FGF1: variants seen among roughly 807,000 people sequenced by gnomAD.
The protein encoded by FGF1 is fibroblast growth factor 1.
A neutral mutation model predicts 13.4 loss-of-function variants in FGF1; 9 were observed. That is an observed-to-expected ratio of 0.67 (90% confidence interval 0.40 to 1.17). FGF1 has a LOEUF of 1.17. Ranked by LOEUF, FGF1 falls within the 50% of genes most tolerant of loss-of-function variation. The pLI is 0.01. For missense variants in FGF1, 156 were observed against 192.7 expected (o/e 0.81, Z 1.13); for synonymous variants, 93 against 79.0 (o/e 1.18, Z -0.94).
At chr5:142,617,413 T>G (rs1760489214) in intron 1 of FGF1, among the ~76,000 whole-genome samples, 1 of 152,042 alleles carries the variant, frequency 6.6e-6, no homozygotes, top group Admixed American at 6.6e-5. Flanking sequence ...CATGTGTGTA[T>G]GAGCCATGCA....
chr5:142,658,945 G>A (rs1420942207), intron 1 of FGF1, among the ~76,000 whole-genome samples: 1 of 152,098 alleles, frequency 6.6e-6, no homozygotes, highest in Non-Finnish European at 1.5e-5. Flanking sequence ...AGAAAACCTG[G>A]ATGGATAGGC....
intron 1 of FGF1, among the ~76,000 whole-genome samples, chr5:142,674,860 G>A (rs964425255): frequency 2.0e-5 from 3 of 152,088 alleles, no homozygotes; most frequent in Non-Finnish European, 2.9e-5. Context: ...TGCCTGCCAC[G>A]GGTCAGAATA....
upstream of FGF1, among the ~76,000 whole-genome samples, chr5:142,686,692 T>C (rs1329985029): frequency 6.6e-6 from 1 of 152,154 alleles, no homozygotes; most frequent in African/African-American, 2.4e-5. Context: ...TGTGTGTGTC[T>C]GTCTGTGCCA....
chr5:142,616,087 C>T lies in FGF1; in HGVS notation c.-34-1926G>A, dbSNP rs10051658. 3.0e-3 allele frequency among the ~76,000 whole-genome samples: 458 copies of T among 152,344 alleles called. 2 individuals carry two copies. The highest frequency in any genetic ancestry group is 0.01 in the African/African-American group (436 of 41,580). The stretch of plus-strand genomic sequence containing the variant: ...GAAGACCAGCAGCTACCCTGCCTTC[C>T]CTGCACTAACCATCCATCAGTGCCT... On this transcript the variant is annotated intron_variant, in intron 1 of 3. Coordinates refer to ENST00000337706, the MANE Select transcript of FGF1 (RefSeq NM_000800.5).
At chr5:142,667,132 T>A (rs1450295439) in intron 1 of FGF1, among the ~76,000 whole-genome samples, 1 of 151,442 alleles carries the variant, frequency 6.6e-6, no homozygotes, top group South Asian at 2.1e-4. Flanking sequence ...ATACAAAAAT[T>A]AGCTGGGCAA....
At chr5:142,616,078 C>T (rs565255273) in intron 1 of FGF1, among the ~76,000 whole-genome samples, 1 of 152,300 alleles carries the variant, frequency 6.6e-6, no homozygotes, top group East Asian at 1.9e-4. Flanking sequence ...CAGCAGCTAC[C>T]CTGCCTTCCC....
At chr5:142,624,857 C>T (rs6891913) in intron 1 of FGF1, among the ~76,000 whole-genome samples, 55,700 of 152,122 alleles carry the variant, frequency 0.37, 10,628 homozygotes, top group Non-Finnish European at 0.41. Context: ...TCATAACAGA[C>T]TGTGGCAAAA....
intron 1 of FGF1, among the ~76,000 whole-genome samples, chr5:142,646,460 T>C (rs1261800495): frequency 2.7e-5 from 4 of 148,030 alleles, no homozygotes; most frequent in Non-Finnish European, 6.0e-5. Flanking sequence ...TCAAGCAATT[T>C]TCCTGCCTCA....
intron 3 of FGF1, among the ~76,000 whole-genome samples, chr5:142,596,817 A>C (rs1198255119): frequency 6.6e-6 from 1 of 152,198 alleles, no homozygotes; most frequent in Non-Finnish European, 1.5e-5. Flanking sequence ...TGTAAAAAGA[A>C]AAAACTATCC....
In FGF1 at chr5:142,646,349, G is replaced by A. The variant is rs549207130; in HGVS notation, c.-34-32188C>T. ...GCTGGGATTACAGGTGCCTGCCACC[G>A]TGCCCAGCTAATTTTTTTTTGAGAG... On this transcript the variant is annotated intron_variant, in intron 1 of 3. Coordinates refer to ENST00000337706, the MANE Select transcript of FGF1 (RefSeq NM_000800.5). 1.2e-3 allele frequency among the ~76,000 whole-genome samples: 181 copies of A among 149,202 alleles called. 1 individual carries two copies. Among genetic ancestry groups the A allele is most frequent in the African/African-American group, 4.1e-3 (168 of 40,566 alleles).
At chr5:142,621,571 C>CG (rs1413112989) in intron 1 of FGF1, among the ~76,000 whole-genome samples, 1 of 151,954 alleles carries the variant, frequency 6.6e-6, no homozygotes, top group African/African-American at 2.4e-5. Flanking sequence ...TGGGTTCATT[C>CG]CCCTGTGCTC....
chr5:142,648,723 T>C (rs545432685), intron 1 of FGF1, among the ~76,000 whole-genome samples: 2 of 140,966 alleles, frequency 1.4e-5, no homozygotes, highest in East Asian at 4.2e-4. Flanking sequence ...AGAACAAGTG[T>C]CTTGAGGAGG....
chr5:142,610,845 C>T (rs1414666849), intron 2 of FGF1, among the ~76,000 whole-genome samples: 1 of 152,130 alleles, frequency 6.6e-6, no homozygotes, highest in Admixed American at 6.5e-5. Context: ...GGTTATACCA[C>T]TATAAGGAAG....
intron 1 of FGF1, among the ~76,000 whole-genome samples, chr5:142,682,149 G>A (rs1045260440): frequency 6.0e-5 from 9 of 151,104 alleles, no homozygotes; most frequent in African/African-American, 2.2e-4. Flanking sequence ...GCAATGGCGC[G>A]ATCTCGGCTC....
chr5:142,595,329 T>C lies in FGF1; in HGVS notation c.429A>G (p.Lys143=). 6.2e-7 allele frequency: 1 copy of C among 1,614,080 alleles called. No homozygotes were observed. The highest frequency in any genetic ancestry group is 8.5e-7 in the Non-Finnish European group (1 of 1,179,940). The part of the protein sequence containing the change: ...KRGPRTHYGQ[K]AILFLPLPVS... ...CTGGCAGGGGGAGAAACAAGATTGC[T>C]TTCTGGCCATAGTGAGTCCGAGGAC... Residue 143 remains lysine (K), a synonymous_variant, in exon 4 of 4, where the codon AAA becomes AAG. Coordinates refer to ENST00000337706, the MANE Select transcript of FGF1 (RefSeq NM_000800.5).
chr5:142,626,543 T>C (rs1465032682), intron 1 of FGF1, among the ~76,000 whole-genome samples: 1 of 152,258 alleles, frequency 6.6e-6, no homozygotes, highest in African/African-American at 2.4e-5. Context: ...TGAGTGACCC[T>C]TGAGCTTCTC....
chr5:142,662,452 T>C (rs1025178897), intron 1 of FGF1, among the ~76,000 whole-genome samples: 5 of 152,256 alleles, frequency 3.3e-5, no homozygotes, highest in Non-Finnish European at 7.3e-5. Context: ...TGAATGGTCA[T>C]TTTCCATTAG....
upstream of FGF1, among the ~76,000 whole-genome samples, chr5:142,690,513 G>A (rs373863651): frequency 3.0e-4 from 46 of 152,164 alleles, no homozygotes; most frequent in African/African-American, 1.1e-3. Context: ...AACTGTCTTT[G>A]TACCCTGAAT....
chr5:142,678,414 T>C (rs1773057564), intron 1 of FGF1, among the ~76,000 whole-genome samples: 1 of 152,116 alleles, frequency 6.6e-6, no homozygotes. Flanking sequence ...TGCCTCGGAA[T>C]GGAGTCATTC....
Sources: gnomAD v4.1 joint callset for allele counts (sites outside exome capture counted in the v4.1 genomes callset) on GRCh38, gnomAD v4.1.1 for gene constraint, MANE v1.5 for transcripts, NCBI Gene and HGNC (gene_info 2026-07-23, HGNC 2026-07-21) for gene names.